IQGAP1: variants seen among roughly 807,000 people sequenced by gnomAD.
IQGAP1 encodes IQ motif containing GTPase activating protein 1.
IQGAP1 carries 66 observed loss-of-function variants against 215.6 expected under a neutral mutation model. The ratio of observed to expected loss-of-function variants is 0.31; its 90% CI spans 0.25 to 0.38. The LOEUF (loss-of-function observed/expected upper bound fraction) is 0.38, where lower values mean the gene tolerates loss of function less well. IQGAP1 is among the 10% of genes least tolerant of loss of function. The pLI is 1.00. For missense variants in IQGAP1, 1,712 were observed against 1,997.1 expected (o/e 0.86, Z 2.72); for synonymous variants, 772 against 728.7 (o/e 1.06, Z -0.96).
intron 15 of IQGAP1, among the ~76,000 whole-genome samples, chr15:90,462,155 G>A (rs941760534): frequency 5.3e-5 from 8 of 152,048 alleles, no homozygotes; most frequent in Non-Finnish European, 1.0e-4. Context: ...GCGACAGAGC[G>A]AGACTCTGTC....
intron 2 of IQGAP1, 134 bp downstream of exon 2, chr15:90,391,007 G>A (rs570217957): frequency 3.1e-5 from 19 of 616,424 alleles, no homozygotes; most frequent in Non-Finnish European, 5.4e-5. Context: ...GCCGAGGTGG[G>A]GGGGAATCAC....
intron 1 of IQGAP1, among the ~76,000 whole-genome samples, chr15:90,389,341 CTTTTTTTT>C (rs563216137): frequency 2.3e-5 from 3 of 128,400 alleles, no homozygotes; most frequent in Non-Finnish European, 4.9e-5. Context: ...CGGGAGGTGA[CTTTTTTTT>C]TTTTTTTTTT....
At position 90,483,173 on chromosome 15, in the gene IQGAP1, A is replaced by T. The variant is rs561481856; in HGVS notation, c.3556-188A>T. ...TTGTTTTCCTGTATTGAACAAAGGG[A>T]TATTTCATTTAGTTCCAGGCCATGA... On this transcript the variant is annotated intron_variant, in intron 28 of 37. Coordinates refer to ENST00000268182, the MANE Select transcript of IQGAP1 (RefSeq NM_003870.4). 2.0e-5 allele frequency: 11 copies of T among 562,810 alleles called. No homozygotes were observed. The East Asian group carries it at 3.0e-4, about 15-fold the overall frequency. The allele number at this position is 562,810 out of a possible 1,614,324, so 34.9% of individuals were successfully genotyped here.
intron 7 of IQGAP1, 80 bp downstream of exon 7, chr15:90,440,695 G>T: frequency 1.2e-6 from 1 of 861,382 alleles, no homozygotes. Context: ...TGATGATCTA[G>T]GACATTATGA....
At chr15:90,406,244 C>T (rs898586956) in intron 2 of IQGAP1, among the ~76,000 whole-genome samples, 1 of 152,176 alleles carries the variant, frequency 6.6e-6, no homozygotes, top group African/African-American at 2.4e-5. Flanking sequence ...AACATGGGCT[C>T]CCTAAAAAAA....
chr15:90,452,737 TA>T (rs1445215731), intron 11 of IQGAP1, 37 bp from the exon 12 acceptor site: 5 of 1,606,960 alleles, frequency 3.1e-6, no homozygotes, highest in Non-Finnish European at 4.3e-6. Flanking sequence ...GAGGGCTCTC[TA>T]AGCCCACTGC....
Position 90,388,276 on chromosome 15 carries a change from T to C in IQGAP1, c.-66T>C. The C allele has an allele frequency of 1.9e-6, 3 of 1,557,422 alleles. No homozygotes were observed. The highest frequency in any genetic ancestry group is 1.7e-6 in the Non-Finnish European group (2 of 1,143,904). On this transcript the variant is annotated 5_prime_UTR_variant, in exon 1 of 38. Coordinates refer to ENST00000268182, the MANE Select transcript of IQGAP1 (RefSeq NM_003870.4). ...AAGCCCGCGCACTTGGCAGGAGCTG[T>C]AGCTACCGCCGTCCGCGCCTCCAAG...
At chr15:90,459,109 TGCTGCC>T (rs1440560033) in intron 15 of IQGAP1, among the ~76,000 whole-genome samples, 2 of 152,244 alleles carry the variant, frequency 1.3e-5, no homozygotes, top group Admixed American at 6.5e-5. Context: ...CCCTTCCGCT[TGCTGCC>T]TCACTTCAGG....
chr15:90,411,538 G>A (rs945307069), intron 2 of IQGAP1, among the ~76,000 whole-genome samples: 1 of 152,202 alleles, frequency 6.6e-6, no homozygotes, highest in Non-Finnish European at 1.5e-5. Context: ...TGACATATAT[G>A]GCTCTAGCAG....
chr15:90,394,135 CAAAAAA>C (rs56810085), intron 2 of IQGAP1, among the ~76,000 whole-genome samples: 1 of 74,368 alleles, frequency 1.3e-5, no homozygotes, highest in East Asian at 4.3e-4. Flanking sequence ...AACTCTGTCT[CAAAAAA>C]AAAAAAAAAA....
chr15:90,451,395 C>A (rs932556524), intron 11 of IQGAP1, among the ~76,000 whole-genome samples: 1 of 152,154 alleles, frequency 6.6e-6, no homozygotes, highest in Admixed American at 6.5e-5. Flanking sequence ...GGCAAGTGGG[C>A]TCATGTGAAG....
chr15:90,403,573 A>G (rs958255164), intron 2 of IQGAP1, among the ~76,000 whole-genome samples: 14 of 152,244 alleles, frequency 9.2e-5, no homozygotes, highest in African/African-American at 2.4e-4. Flanking sequence ...TGGAACTGCT[A>G]TCATGATTGT....
In IQGAP1 at chr15:90,456,327, C is replaced by A; in HGVS notation, c.1776+12C>A. On this transcript the variant is annotated intron_variant, in intron 15 of 37. Coordinates refer to ENST00000268182, the MANE Select transcript of IQGAP1 (RefSeq NM_003870.4). Reference sequence around the variant, plus strand: ...GAGAGAAAGCCCAGGTGAGTGGCATCGGAATTGTTCTTTATGTTCAGAGCA... The same window carrying A: ...GAGAGAAAGCCCAGGTGAGTGGCATAGGAATTGTTCTTTATGTTCAGAGCA... The A allele has an allele frequency of 1.2e-6, 2 of 1,613,262 alleles. No individual in the cohort carries two copies. The highest frequency in any genetic ancestry group is 1.7e-6 in the Non-Finnish European group (2 of 1,179,568).
At chr15:90,423,480 G>A (rs1567121345) in intron 2 of IQGAP1, among the ~76,000 whole-genome samples, 1 of 152,200 alleles carries the variant, frequency 6.6e-6, no homozygotes, top group East Asian at 1.9e-4. Flanking sequence ...TGTTCGGCCT[G>A]CCTTGGCCTC....
At position 90,422,008 on chromosome 15, in the gene IQGAP1, C is replaced by T. The variant is rs188931445; in HGVS notation, c.156-4102C>T. Among the ~76,000 whole-genome samples the T allele has an allele frequency of 2.0e-5, 3 of 152,142 alleles. No homozygotes were observed. The East Asian group carries it at 5.8e-4, about 29-fold the overall frequency. Reference sequence around the variant, plus strand: ...AAGGTTTTGTGTCTAAGTTGAGAATCACTGGTGGATTTAGTTAAGCTAAAA... The same window carrying T: ...AAGGTTTTGTGTCTAAGTTGAGAATTACTGGTGGATTTAGTTAAGCTAAAA... On this transcript the variant is annotated intron_variant, in intron 2 of 37. Coordinates refer to ENST00000268182, the MANE Select transcript of IQGAP1 (RefSeq NM_003870.4).
chr15:90,411,140 C>T (rs1964959083), intron 2 of IQGAP1, among the ~76,000 whole-genome samples: 1 of 152,162 alleles, frequency 6.6e-6, no homozygotes, highest in African/African-American at 2.4e-5. Flanking sequence ...CTCTGGGAAA[C>T]TCACTTGGCC....
At chr15:90,391,096 G>T in intron 2 of IQGAP1, 1 of 419,782 alleles carries the variant, frequency 2.4e-6, no homozygotes, top group South Asian at 2.3e-5. Context: ...AAATTAGCCA[G>T]GCATGGTGGT....
chr15:90,459,706 G>C (rs986131213), intron 15 of IQGAP1, among the ~76,000 whole-genome samples: 2 of 152,038 alleles, frequency 1.3e-5, no homozygotes, highest in Admixed American at 6.6e-5. Context: ...TGGGTTTTTT[G>C]TTTTGTTTTG....
rs528903596 is a variant in IQGAP1, at chr15:90,412,720, A to G, written c.156-13390A>G. On this transcript the variant is annotated intron_variant, in intron 2 of 37. Coordinates refer to ENST00000268182, the MANE Select transcript of IQGAP1 (RefSeq NM_003870.4). ...CTCAGAAGTGTTAGTGGTTTAGTAG[A>G]ATCCTAATTGTGGAGAAAGACAGCC... Among the ~76,000 whole-genome samples, 56 of 152,348 alleles carry G rather than the reference A, an allele frequency of 3.7e-4. 1 individual carries two copies. The highest frequency in any genetic ancestry group is 1.3e-3 in the African/African-American group (53 of 41,586).
Sources: gnomAD v4.1 joint callset for allele counts (sites outside exome capture counted in the v4.1 genomes callset) on GRCh38, gnomAD v4.1.1 for gene constraint, MANE v1.5 for transcripts, NCBI Gene and HGNC (gene_info 2026-07-23, HGNC 2026-07-21) for gene names.